The following LPP variants were observed in gnomAD, a reference collection of about 807,000 sequenced individuals.
LPP encodes the protein LIM domain containing preferred translocation partner in lipoma.
In LPP, 38 loss-of-function variants were observed where a neutral mutation model predicts 60.4. The observed-to-expected ratio is 0.63, with a 90% CI of 0.49 to 0.83. The LOEUF (loss-of-function observed/expected upper bound fraction) is 0.83, where lower values mean the gene tolerates loss of function less well. Among genes scored for constraint, LPP ranks in the 40% least tolerant of loss-of-function variants. The pLI is 0.00. For synonymous variants in LPP, 328 were observed against 290.8 expected, an observed-to-expected ratio of 1.13 and a Z score of -1.30; for missense variants, 902 against 783.6, an observed-to-expected ratio of 1.15 and a Z score of -1.80.
At chr3:188,841,389 A>ATTTT (rs769453833) in intron 9 of LPP, among the ~76,000 whole-genome samples, 1 of 94,530 alleles carries the variant, frequency 1.1e-5, no homozygotes, top group Non-Finnish European at 1.9e-5. Flanking sequence ...CCCTTTCTGA[A>ATTTT]TTTGTTTTTT....
chr3:188,356,981 AC>A (rs1286205605), intron 3 of LPP, among the ~76,000 whole-genome samples: 1 of 152,176 alleles, frequency 6.6e-6, no homozygotes, highest in East Asian at 1.9e-4. Flanking sequence ...CACAACTTGA[AC>A]TTTTCATTCC....
intron 9 of LPP, among the ~76,000 whole-genome samples, chr3:188,824,693 G>A (rs1036979724): frequency 6.6e-6 from 1 of 152,158 alleles, no homozygotes; most frequent in African/African-American, 2.4e-5. Context: ...GTGCTGAATG[G>A]TATGTCAGCT....
At chr3:188,496,162 G>C (rs929828288) in intron 5 of LPP, among the ~76,000 whole-genome samples, 1 of 151,624 alleles carries the variant, frequency 6.6e-6, no homozygotes, top group African/African-American at 2.4e-5. Context: ...TTCTTGCTCT[G>C]TTGCCCAGTC....
At chr3:188,262,427 C>A (rs1733992166) in intron 2 of LPP, among the ~76,000 whole-genome samples, 1 of 152,008 alleles carries the variant, frequency 6.6e-6, no homozygotes, top group Non-Finnish European at 1.5e-5. Flanking sequence ...AATCCCACCC[C>A]TTACAGCTAA....
intron 8 of LPP, among the ~76,000 whole-genome samples, chr3:188,753,632 T>C (rs2150355183): frequency 6.6e-6 from 1 of 151,832 alleles, no homozygotes. Flanking sequence ...TTTTTGTTTT[T>C]TTTTACTTTA....
At chr3:188,252,327 TCTCC>T (rs1267612531) in intron 2 of LPP, among the ~76,000 whole-genome samples, 1 of 143,474 alleles carries the variant, frequency 7.0e-6, no homozygotes, top group African/African-American at 2.6e-5. Context: ...TTTCTTCTTC[TCTCC>T]CTCCCTCCCT....
At chr3:188,462,665 G>A (rs1182449678) in intron 4 of LPP, among the ~76,000 whole-genome samples, 2 of 131,030 alleles carry the variant, frequency 1.5e-5, no homozygotes, top group Non-Finnish European at 3.2e-5. Context: ...TTTTAATTTT[G>A]TTCCAATTTA....
rs117979524 is a variant in LPP, at chr3:188,272,073, C to T, written c.-67+46546C>T. ...AAGGAGGGGATTAATTCTTATGATG[C>T]AGGGGGATGGCTCCAGAGAGAGTGG... On this transcript the variant is annotated intron_variant, in intron 2 of 11. Coordinates refer to ENST00000617246, the MANE Select transcript of LPP (RefSeq NM_001375462.1). Among the ~76,000 whole-genome samples the T allele has an allele frequency of 3.9e-5, 6 of 152,188 alleles. No homozygotes were observed. In the East Asian group the frequency reaches 1.2e-3, roughly 29 times the overall value.
At chr3:188,384,329 C>CGTGT (rs1560331554) in intron 3 of LPP, among the ~76,000 whole-genome samples, 37 of 14,754 alleles carry the variant, frequency 2.5e-3, no homozygotes, top group South Asian at 6.8e-3. Context: ...TATGTATGTG[C>CGTGT]ATGTGTGTGT....
At chr3:188,570,794 G>A (rs1833367005) in intron 6 of LPP, among the ~76,000 whole-genome samples, 1 of 151,790 alleles carries the variant, frequency 6.6e-6, no homozygotes, top group Non-Finnish European at 1.5e-5. Context: ...ACATTGTATG[G>A]TGGGTGAAAG....
chr3:188,475,442 A>G (rs768746176), intron 4 of LPP, among the ~76,000 whole-genome samples: 3 of 152,234 alleles, frequency 2.0e-5, no homozygotes, highest in Non-Finnish European at 4.4e-5. Context: ...ATGCATGCCT[A>G]TAATTCACTT....
chr3:188,330,906 A>G lies in LPP; in HGVS notation c.-66-10757A>G, dbSNP rs965217667. Among the ~76,000 whole-genome samples, 4 of 151,976 alleles carry G rather than the reference A, an allele frequency of 2.6e-5. No individual in the cohort carries two copies. The South Asian group carries it at 8.3e-4, about 31-fold the overall frequency. On this transcript the variant is annotated intron_variant, in intron 2 of 11. Transcript: ENST00000617246. ...AAATAAATAAATACGTAAGAATCCT[A>G]GGCCTTGGTGACTTACTCTTTTTAA...
intron 1 of LPP, among the ~76,000 whole-genome samples, chr3:188,200,103 T>TAA (rs1037575315): frequency 2.6e-5 from 4 of 152,116 alleles, no homozygotes; most frequent in African/African-American, 9.7e-5. Flanking sequence ...GCCAAATAAA[T>TAA]AAAGAATGAG....
chr3:188,264,772 T>TTC (rs879879562), intron 2 of LPP, among the ~76,000 whole-genome samples: 40 of 135,792 alleles, frequency 2.9e-4, no homozygotes, highest in African/African-American at 6.0e-4. Context: ...ACCTTTTTTC[T>TTC]TCTCTCTCTC....
chr3:188,329,321 A>C (rs1414864045), intron 2 of LPP, among the ~76,000 whole-genome samples: 1 of 152,208 alleles, frequency 6.6e-6, no homozygotes, highest in Non-Finnish European at 1.5e-5. Context: ...CAGGAATTTA[A>C]AGGTAACTCA....
intron 1 of LPP, among the ~76,000 whole-genome samples, chr3:188,218,989 T>C (rs73190763): frequency 0.064 from 9,789 of 151,896 alleles, 448 homozygotes; most frequent in Non-Finnish European, 0.097. Flanking sequence ...GAAAAAATTG[T>C]TGACAAATCC....
chr3:188,474,702 C>T (rs1458927899), intron 4 of LPP, among the ~76,000 whole-genome samples: 1 of 152,174 alleles, frequency 6.6e-6, no homozygotes, highest in Non-Finnish European at 1.5e-5. Flanking sequence ...TGGGATGTTG[C>T]CTCATTTTCT....
intron 7 of LPP, among the ~76,000 whole-genome samples, chr3:188,656,693 T>G (rs948078475): frequency 1.3e-5 from 2 of 152,182 alleles, no homozygotes; most frequent in African/African-American, 4.8e-5. Flanking sequence ...TCCCACTGAC[T>G]GGATTTGTGA....
At chr3:188,606,242 A>G (rs918393383) in intron 6 of LPP, among the ~76,000 whole-genome samples, 1 of 152,146 alleles carries the variant, frequency 6.6e-6, no homozygotes, top group African/African-American at 2.4e-5. Context: ...CTCTGCAATT[A>G]CATGGGGCCA....
Sources: allele counts gnomAD v4.1 joint callset (sites outside exome capture counted in the v4.1 genomes callset), GRCh38; gene constraint gnomAD v4.1.1; transcripts MANE v1.5; gene names NCBI Gene and HGNC (gene_info 2026-07-23, HGNC 2026-07-21).